The following CDH10 variants were observed in gnomAD, a reference collection of about 807,000 sequenced individuals.
The protein encoded by CDH10 is cadherin 10.
In CDH10, 30 loss-of-function variants were observed where a neutral mutation model predicts 73.1. That is an observed-to-expected ratio of 0.41 (90% CI 0.31 to 0.56). The LOEUF is 0.56. Among genes scored for constraint, CDH10 ranks in the 20% least tolerant of loss-of-function variants. The probability of loss-of-function intolerance (pLI) is 0.27; values close to 1 mark genes in which losing one functional copy is unlikely to be tolerated. For missense variants in CDH10, 815 were observed against 973.7 expected, an observed-to-expected ratio of 0.84 and a Z score of 2.17; for synonymous variants, 345 against 348.2, an observed-to-expected ratio of 0.99 and a Z score of 0.10.
intron 2 of CDH10, among the ~76,000 whole-genome samples, chr5:24,573,922 T>C (rs545116648): frequency 1.3e-5 from 2 of 150,760 alleles, no homozygotes; most frequent in South Asian, 4.2e-4. Flanking sequence ...TCTCTCTCTG[T>C]CGCCCAGGCT....
intron 1 of CDH10, among the ~76,000 whole-genome samples, chr5:24,624,544 A>G (rs1214716793): frequency 2.0e-5 from 3 of 152,152 alleles, no homozygotes; most frequent in African/African-American, 7.2e-5. Context: ...GCATGGCTAA[A>G]GTCTAAATGA....
At chr5:24,565,628 A>G (rs896473866) in intron 2 of CDH10, among the ~76,000 whole-genome samples, 2 of 152,150 alleles carry the variant, frequency 1.3e-5, no homozygotes, top group Non-Finnish European at 2.9e-5. Flanking sequence ...GAATAATTAG[A>G]TTTGGAGATA....
intron 11 of CDH10, among the ~76,000 whole-genome samples, chr5:24,489,516 T>C (rs1454768373): frequency 1.3e-5 from 2 of 152,138 alleles, no homozygotes; most frequent in African/African-American, 4.8e-5. Context: ...TGTAAAGATT[T>C]TAAATCTCAG....
Position 24,537,506 on chromosome 5 carries a change from T to C in CDH10, c.400A>G (p.Arg134Gly), listed in dbSNP as rs1460697543. ...GGCTCTACTGGCCTCAGAGTTCTTC[T>C]GTTAATAGCTTGTGCGCGTAGAGTA... is the stretch of plus-strand genomic sequence containing the variant. ...FYTLRAQAIN[R>G]RTLRPVEPES... The change falls in exon 3 of 12, where the codon AGA becomes GGA. Residue 134 changes from arginine to glycine, a missense_variant. Arg to Gly is a moderately radical substitution (Grantham distance 125). Transcript: ENST00000264463. 6.2e-7 allele frequency: 1 copy of C among 1,613,302 alleles called. No individual in the cohort carries two copies. The highest frequency in any genetic ancestry group is 8.5e-7 in the Non-Finnish European group (1 of 1,179,554).
intron 2 of CDH10, among the ~76,000 whole-genome samples, chr5:24,567,054 T>G (rs137924624): frequency 3.3e-5 from 5 of 152,088 alleles, no homozygotes; most frequent in African/African-American, 4.8e-5. Context: ...TAAACTGATA[T>G]ATACAAATAG....
At chr5:24,564,128 T>G (rs184912352) in intron 2 of CDH10, among the ~76,000 whole-genome samples, 1 of 152,328 alleles carries the variant, frequency 6.6e-6, no homozygotes, top group East Asian at 1.9e-4. Context: ...CAAATATCTC[T>G]GTAATATGTG....
intron 2 of CDH10, among the ~76,000 whole-genome samples, chr5:24,547,266 C>T (rs912543528): frequency 1.3e-5 from 2 of 152,114 alleles, no homozygotes; most frequent in Non-Finnish European, 2.9e-5. Flanking sequence ...CCAACGTTCC[C>T]ACTGTCATCA....
chr5:24,556,956 T>C (rs1233217513), intron 2 of CDH10, among the ~76,000 whole-genome samples: 2 of 140,192 alleles, frequency 1.4e-5, no homozygotes, highest in Non-Finnish European at 3.2e-5. Context: ...TAAAATTTAA[T>C]CTGAAGTTTT....
At chr5:24,634,202 T>A (rs1270858247) in intron 1 of CDH10, among the ~76,000 whole-genome samples, 2 of 151,884 alleles carry the variant, frequency 1.3e-5, no homozygotes, top group African/African-American at 2.4e-5. Context: ...AATAACCATT[T>A]CTTGGGCTTT....
chr5:24,500,285 G>T (rs946982909), intron 8 of CDH10, among the ~76,000 whole-genome samples: 14 of 152,178 alleles, frequency 9.2e-5, no homozygotes, highest in African/African-American at 2.9e-4. Flanking sequence ...AGACTGCTTA[G>T]CAGGGATATA....
chr5:24,550,716 C>A (rs566079673), intron 2 of CDH10, among the ~76,000 whole-genome samples: 1 of 152,232 alleles, frequency 6.6e-6, no homozygotes, highest in South Asian at 2.1e-4. Flanking sequence ...CAAATCAGTC[C>A]TTCTCATTTT....
intron 2 of CDH10, among the ~76,000 whole-genome samples, chr5:24,551,894 A>G (rs1744559802): frequency 6.6e-6 from 1 of 152,050 alleles, no homozygotes; most frequent in Non-Finnish European, 1.5e-5. Context: ...TTCCTTATCC[A>G]TCTTTTAGAA....
At chr5:24,513,683 A>T (rs931698316) in intron 5 of CDH10, among the ~76,000 whole-genome samples, 12 of 152,014 alleles carry the variant, frequency 7.9e-5, no homozygotes, top group African/African-American at 2.7e-4. Context: ...TTGGTCCCTT[A>T]GCCTGTATCC....
intron 2 of CDH10, among the ~76,000 whole-genome samples, chr5:24,544,539 C>T (rs948446132): frequency 6.6e-6 from 1 of 152,044 alleles, no homozygotes; most frequent in Non-Finnish European, 1.5e-5. Context: ...GACAGGGTTC[C>T]CCAGAGATTT....
At chr5:24,565,154 C>A (rs1223942367) in intron 2 of CDH10, among the ~76,000 whole-genome samples, 1 of 151,996 alleles carries the variant, frequency 6.6e-6, no homozygotes, top group Non-Finnish European at 1.5e-5. Context: ...TTCAATAGAA[C>A]TGAATTGTTT....
At chr5:24,503,171 T>C (rs2111713219) in intron 8 of CDH10, among the ~76,000 whole-genome samples, 1 of 152,342 alleles carries the variant, frequency 6.6e-6, no homozygotes, top group Non-Finnish European at 1.5e-5. Context: ...CCCCATCCAA[T>C]GCTTTGCCTT....
intron 11 of CDH10, among the ~76,000 whole-genome samples, chr5:24,489,575 G>A (rs1340828584): frequency 1.3e-5 from 2 of 152,112 alleles, no homozygotes; most frequent in Admixed American, 6.5e-5. Flanking sequence ...ACTTTCTAAT[G>A]TTGAGGATAA....
chr5:24,538,648 G>T (rs1049873487), intron 2 of CDH10, among the ~76,000 whole-genome samples: 1 of 151,944 alleles, frequency 6.6e-6, no homozygotes, highest in African/African-American at 2.4e-5. Flanking sequence ...ATATACTACT[G>T]TACTAGTGAC....
In CDH10 at chr5:24,498,519, T is replaced by C. The variant is rs200673315; in HGVS notation, c.1394A>G (p.Asn465Ser). Residue 465 changes from asparagine to serine, a missense_variant and splice_region_variant, in exon 9 of 12, where the codon AAC (asparagine) becomes AGC (serine). By Grantham distance (46) the Asn-to-Ser change is conservative. Around this residue, in one of 3 missense-constraint regions of CDH10, gnomAD observed 516 missense variants for 636.6 expected, o/e 0.81. Transcript: ENST00000264463. ...HNLTVIAAEI[N>S]NPKETTRVAV... Reference sequence around the variant, plus strand: ...CACGCGTGTTGTCTCTTTGGGATTGTCTGGAAAAGGGGAAGAAAAATATTG... The same window carrying C: ...CACGCGTGTTGTCTCTTTGGGATTGCCTGGAAAAGGGGAAGAAAAATATTG... The C allele has an allele frequency of 2.0e-5, 32 of 1,597,940 alleles. No homozygotes were observed. The highest frequency in any genetic ancestry group is 1.3e-4 in the South Asian group (12 of 89,402).
Sources: gnomAD v4.1 joint callset for allele counts (sites outside exome capture counted in the v4.1 genomes callset) on GRCh38, gnomAD v4.1.1 for gene constraint, gnomAD v4.1.1 regional missense constraint, MANE v1.5 for transcripts, NCBI Gene and HGNC (gene_info 2026-07-23, HGNC 2026-07-21) for gene names.